CDC73: variants seen among roughly 807,000 people sequenced by gnomAD.
CDC73 encodes cell division cycle 73.
Under a neutral mutation model 83.7 loss-of-function variants are expected in CDC73, and 21 were observed. The ratio of observed to expected loss-of-function variants is 0.25; its 90% CI spans 0.18 to 0.36. The LOEUF is 0.36. CDC73 is among the 10% of genes least tolerant of loss of function. The pLI is 1.00. For missense variants in CDC73, 342 were observed against 653.3 expected, an observed-to-expected ratio of 0.52 and a Z score of 5.19; for synonymous variants, 224 against 212.9, an observed-to-expected ratio of 1.05 and a Z score of -0.45.
At chr1:193,241,794 C>T (rs777228712) in intron 15 of CDC73, among the ~76,000 whole-genome samples, 3 of 152,186 alleles carry the variant, frequency 2.0e-5, no homozygotes, top group African/African-American at 7.2e-5. Context: ...GCTAGGGCGG[C>T]AGAAGGGGAG....
At chr1:193,181,207 T>C (rs1676709201) in intron 10 of CDC73, 6 of 1,613,966 alleles carry the variant, frequency 3.7e-6, no homozygotes, top group Non-Finnish European at 5.1e-6. Flanking sequence ...AATACTTCCA[T>C]TGGCACTAAG....
intron 13 of CDC73, among the ~76,000 whole-genome samples, chr1:193,214,879 C>G (rs1022114804): frequency 1.3e-5 from 2 of 152,192 alleles, no homozygotes; most frequent in African/African-American, 4.8e-5. Flanking sequence ...TGATAACTCT[C>G]ATTTGGGGAG....
chr1:193,204,049 T>C (rs1037667864), intron 11 of CDC73, among the ~76,000 whole-genome samples, 197 bp downstream of exon 11: 1 of 151,972 alleles, frequency 6.6e-6, no homozygotes, highest in Non-Finnish European at 1.5e-5. Context: ...CTTGCTAAAC[T>C]TCAGTCAGCA....
intron 1 of CDC73, among the ~76,000 whole-genome samples, chr1:193,123,204 G>A (rs1381050383): frequency 6.6e-6 from 1 of 152,096 alleles, no homozygotes; most frequent in Admixed American, 6.6e-5. Context: ...TGAAAAACTA[G>A]GGAAATTTAG....
In CDC73 at chr1:193,150,287, A is replaced by C. The variant is rs1676082795; in HGVS notation, c.829-17A>C. ...TTAAAAATATTAACAAGTAACTCAT[A>C]ATTAATTTTTTTACAGGATCCCACT... On this transcript the variant is annotated splice_polypyrimidine_tract_variant and intron_variant, in intron 8 of 16. Coordinates refer to ENST00000367435, the MANE Select transcript of CDC73 (RefSeq NM_024529.5). 1.3e-6 allele frequency: 2 copies of C among 1,542,676 alleles called. No homozygotes were observed. The highest frequency in any genetic ancestry group is 1.7e-4 in the Middle Eastern group (1 of 5,942).
At chr1:193,165,841 A>T (rs186067728) in intron 10 of CDC73, among the ~76,000 whole-genome samples, 17 of 152,332 alleles carry the variant, frequency 1.1e-4, no homozygotes, top group African/African-American at 3.8e-4. Context: ...TCTGTAAGGA[A>T]CAACCTACCA....
At chr1:193,123,070 C>G (rs1384403728) in intron 1 of CDC73, among the ~76,000 whole-genome samples, 1 of 152,124 alleles carries the variant, frequency 6.6e-6, no homozygotes, top group Non-Finnish European at 1.5e-5. Flanking sequence ...ACGGCTCTAA[C>G]AGTCATTAGG....
intron 10 of CDC73, among the ~76,000 whole-genome samples, chr1:193,169,105 G>A (rs1224776928): frequency 6.6e-6 from 1 of 152,030 alleles, no homozygotes; most frequent in African/African-American, 2.4e-5. Context: ...GGAGGCAACT[G>A]TTTATTTCTA....
intron 14 of CDC73, among the ~76,000 whole-genome samples, chr1:193,235,515 T>A (rs1677741900): frequency 1.3e-5 from 2 of 152,234 alleles, no homozygotes; most frequent in Non-Finnish European, 2.9e-5. Context: ...GCTTTAGTTA[T>A]TGGCTTTAAC....
chr1:193,144,605 A>G (rs1199175159), intron 7 of CDC73, among the ~76,000 whole-genome samples: 1 of 152,172 alleles, frequency 6.6e-6, no homozygotes, highest in Non-Finnish European at 1.5e-5. Context: ...AATGTCCTTG[A>G]TGACGTTTTT....
At chr1:193,204,660 C>T (rs1464017736) in intron 11 of CDC73, among the ~76,000 whole-genome samples, 1 of 152,012 alleles carries the variant, frequency 6.6e-6, no homozygotes, top group African/African-American at 2.4e-5. Context: ...TTATAAAACA[C>T]TGTTTTTCAA....
intron 7 of CDC73, among the ~76,000 whole-genome samples, chr1:193,146,914 G>C (rs1405316416): frequency 1.3e-5 from 2 of 152,120 alleles, no homozygotes; most frequent in Admixed American, 6.6e-5. Context: ...ATTAGCACTG[G>C]AGTTTAACAG....
chr1:193,159,752 G>A (rs963727714), intron 10 of CDC73, among the ~76,000 whole-genome samples: 6 of 152,118 alleles, frequency 3.9e-5, no homozygotes, highest in Non-Finnish European at 8.8e-5. Flanking sequence ...TTTTGTAAAC[G>A]TTTTATACTG....
At chr1:193,244,730 T>TA (rs1677924127) in intron 15 of CDC73, among the ~76,000 whole-genome samples, 1 of 152,220 alleles carries the variant, frequency 6.6e-6, no homozygotes, top group Non-Finnish European at 1.5e-5. Context: ...TTTTTTCAAT[T>TA]ACCTGCTTCT....
intron 7 of CDC73, 152 bp downstream of exon 7, chr1:193,142,218 A>T (rs1675918874): frequency 1.4e-6 from 1 of 712,950 alleles, no homozygotes; most frequent in Non-Finnish European, 2.5e-6. Context: ...AGATTTCCAG[A>T]TGGCCATTTT....
chr1:193,155,752 G>T (rs575761214), intron 10 of CDC73, among the ~76,000 whole-genome samples: 7 of 152,112 alleles, frequency 4.6e-5, no homozygotes, highest in African/African-American at 1.7e-4. Flanking sequence ...ACTCCAGTCT[G>T]GGTGACAGAG....
chr1:193,215,206 T>G (rs1677344238), intron 13 of CDC73, among the ~76,000 whole-genome samples: 1 of 152,242 alleles, frequency 6.6e-6, no homozygotes, highest in Non-Finnish European at 1.5e-5. Flanking sequence ...TTATCTAGCT[T>G]CTCTCAAATT....
chr1:193,177,171 C>CT (rs201027820), intron 10 of CDC73, among the ~76,000 whole-genome samples: 15 of 150,992 alleles, frequency 9.9e-5, no homozygotes, highest in Non-Finnish European at 1.6e-4. Flanking sequence ...CAGCTCTAGA[C>CT]TTTTTTTTTT....
intron 14 of CDC73, among the ~76,000 whole-genome samples, chr1:193,234,946 A>T (rs1044898956): frequency 1.1e-4 from 16 of 151,774 alleles, no homozygotes; most frequent in Admixed American, 7.2e-4. Context: ...AGTTTTAGGG[A>T]GATTTTGAGC....
Sources: gnomAD v4.1 joint callset for allele counts (sites outside exome capture counted in the v4.1 genomes callset) on GRCh38, gnomAD v4.1.1 for gene constraint, MANE v1.5 for transcripts, NCBI Gene and HGNC (gene_info 2026-07-23, HGNC 2026-07-21) for gene names.